AGAP1: variants seen among roughly 807,000 people sequenced by gnomAD.
AGAP1 encodes ArfGAP with GTPase domain, ankyrin repeat and PH domain 1, also known as arf-GAP with GTPase, ANK repeat and PH domain-containing protein 1.
Under a neutral mutation model 105.3 loss-of-function variants are expected in AGAP1, and 29 were observed. The ratio of observed to expected loss-of-function variants is 0.28; its 90% CI spans 0.21 to 0.38. The LOEUF (loss-of-function observed/expected upper bound fraction) is 0.38, where lower values mean the gene tolerates loss of function less well. Among genes scored for constraint, AGAP1 ranks in the 10% least tolerant of loss-of-function variants. The probability of loss-of-function intolerance (pLI) is 1.00; values close to 1 mark genes in which losing one functional copy is unlikely to be tolerated. For synonymous variants in AGAP1, 509 were observed against 485.9 expected, an observed-to-expected ratio of 1.05 and a Z score of -0.63; for missense variants, 998 against 1,165.1, an observed-to-expected ratio of 0.86 and a Z score of 2.09.
At chr2:235,627,176 C>T (rs1052320555) in intron 1 of AGAP1, among the ~76,000 whole-genome samples, 8 of 150,310 alleles carry the variant, frequency 5.3e-5, no homozygotes, top group African/African-American at 2.0e-4. Flanking sequence ...CTGTGCTGGC[C>T]CCAGGCTGTT....
intron 1 of AGAP1, among the ~76,000 whole-genome samples, chr2:235,617,897 T>A (rs879456833): frequency 2.0e-5 from 3 of 152,138 alleles, no homozygotes; most frequent in Non-Finnish European, 4.4e-5. Flanking sequence ...CACTTTTGAA[T>A]TTAAATACAT....
At chr2:235,847,948 G>A (rs960533822) in intron 9 of AGAP1, among the ~76,000 whole-genome samples, 1 of 152,208 alleles carries the variant, frequency 6.6e-6, no homozygotes, top group Non-Finnish European at 1.5e-5. Context: ...TCACAGTCTG[G>A]TTAATACAAT....
intron 1 of AGAP1, among the ~76,000 whole-genome samples, chr2:235,681,176 T>C (rs1264461360): frequency 6.6e-6 from 1 of 152,056 alleles, no homozygotes. Flanking sequence ...GCCCAGCTAA[T>C]TTTTTTGTAT....
In AGAP1 at chr2:235,889,296, C is replaced by T. The variant is rs893902333; in HGVS notation, c.1155+5847C>T. On this transcript the variant is annotated intron_variant, in intron 10 of 17. Transcript: ENST00000304032. The surrounding 1 kb of genome is among the most constrained non-coding windows in gnomAD (Gnocchi z 4.6). The stretch of plus-strand genomic sequence containing the variant: ...CAGTCATGAAACTGGGGAAACCTGA[C>T]ATTGCAGGACACCGTGGGGCTGGTG... 2.6e-5 allele frequency among the ~76,000 whole-genome samples: 4 copies of T among 152,148 alleles called. No homozygotes were observed. Among genetic ancestry groups the T allele is most frequent in the African/African-American group, 9.7e-5 (4 of 41,430 alleles).
chr2:235,648,374 AG>A (rs1238827778), intron 1 of AGAP1, among the ~76,000 whole-genome samples: 9 of 152,098 alleles, frequency 5.9e-5, no homozygotes, highest in Admixed American at 5.9e-4. Context: ...TCCCTTCATC[AG>A]TGGAGAAATG....
At chr2:235,917,343 C>G (rs2051941665) in intron 11 of AGAP1, among the ~76,000 whole-genome samples, 1 of 152,134 alleles carries the variant, frequency 6.6e-6, no homozygotes, top group African/African-American at 2.4e-5. Context: ...CTTCAGCAAT[C>G]AGGACATCCA....
At position 235,728,709 on chromosome 2, in the gene AGAP1, A is replaced by G. The variant is rs2149597684; in HGVS notation, c.310+11065A>G. On this transcript the variant is annotated intron_variant, in intron 3 of 17. Transcript: ENST00000304032. The surrounding 1 kb of genome is among the most constrained non-coding windows in gnomAD (Gnocchi z 4.3). ...TATTTTTTTAAAAATTAACACCACC[A>G]TAAGCAAGAAGGAAAAAATCAACAC... 2.0e-5 allele frequency among the ~76,000 whole-genome samples: 3 copies of G among 152,296 alleles called. No individual in the cohort carries two copies. In the Middle Eastern group the frequency reaches 0.01, roughly 518 times the overall value.
In AGAP1 at chr2:235,879,504, A is replaced by G. The variant is rs1009923883; in HGVS notation, c.1051-3841A>G. 2.0e-5 allele frequency among the ~76,000 whole-genome samples: 3 copies of G among 152,240 alleles called. No individual in the cohort carries two copies. The highest frequency in any genetic ancestry group is 4.4e-5 in the Non-Finnish European group (3 of 68,044). On this transcript the variant is annotated intron_variant, in intron 9 of 17. Coordinates refer to ENST00000304032, the MANE Select transcript of AGAP1 (RefSeq NM_001037131.3). This position sits in a 1 kb window ranked among gnomAD's most constrained non-coding sequence, Gnocchi z 5.0. ...ATAATCCAAGATTATCCCCCCTGGC[A>G]AGACGTAGAGTTTAAGTTAAGTTTA... is the stretch of plus-strand genomic sequence containing the variant.
chr2:235,795,370 CA>C (rs1371119776), intron 6 of AGAP1, among the ~76,000 whole-genome samples: 6 of 152,214 alleles, frequency 3.9e-5, no homozygotes, highest in Admixed American at 3.3e-4. Flanking sequence ...TGGCTATTTG[CA>C]GCATTGACTC....
intron 1 of AGAP1, among the ~76,000 whole-genome samples, chr2:235,581,869 C>G (rs1392326817): frequency 6.6e-6 from 1 of 152,152 alleles, no homozygotes; most frequent in Non-Finnish European, 1.5e-5. Flanking sequence ...CGGGGACATT[C>G]TCAAACATCA....
rs943769650 is a variant in AGAP1 at position 236,105,323 on chromosome 2, C to T, written c.2115-14869C>T. Among the ~76,000 whole-genome samples, 20 of 151,982 alleles carry T rather than the reference C, an allele frequency of 1.3e-4. No homozygotes were observed. The highest frequency in any genetic ancestry group is 4.3e-4 in the African/African-American group (18 of 41,392). ...TAGCCAGGTAAGGGGGAAAGATGGG[C>T]GGAGCGGGGGACCAAGGACAGAGAG... is the stretch of plus-strand genomic sequence containing the variant. On this transcript the variant is annotated intron_variant, in intron 16 of 17. Transcript: ENST00000304032. The surrounding 1 kb of genome is among the most constrained non-coding windows in gnomAD (Gnocchi z 4.2).
chr2:235,706,391 A>AT (rs199550646), intron 1 of AGAP1, among the ~76,000 whole-genome samples: 11,594 of 151,012 alleles, frequency 0.077, 1,422 homozygotes, highest in African/African-American at 0.26. Context: ...CGCCCGGCTA[A>AT]TTTTTTTTTG....
intron 1 of AGAP1, among the ~76,000 whole-genome samples, chr2:235,598,712 C>T (rs536443216): frequency 2.0e-5 from 3 of 152,192 alleles, no homozygotes; most frequent in African/African-American, 7.2e-5. Context: ...GTAACGGAGT[C>T]GTCCCTCCGG....
chr2:236,003,066 A>G lies in AGAP1; in HGVS notation c.1646-33495A>G, dbSNP rs1469580246. On this transcript the variant is annotated intron_variant, in intron 13 of 17. Coordinates refer to ENST00000304032, the MANE Select transcript of AGAP1 (RefSeq NM_001037131.3). This position sits in a 1 kb window ranked among gnomAD's most constrained non-coding sequence, Gnocchi z 4.2. ...ACGTATTCGCCCACTGTGTGCCAAC[A>G]GAGTCTTGATCTATTGCCCAGGCTG... Among the ~76,000 whole-genome samples, 1 of 152,142 alleles carries G rather than the reference A, an allele frequency of 6.6e-6. No individual in the cohort carries two copies. Among genetic ancestry groups the G allele is most frequent in the Non-Finnish European group, 1.5e-5 (1 of 68,038 alleles).
At chr2:236,115,054 C>A (rs541644100) in intron 16 of AGAP1, among the ~76,000 whole-genome samples, 1 of 152,312 alleles carries the variant, frequency 6.6e-6, no homozygotes, top group African/African-American at 2.4e-5. Flanking sequence ...TGAGGAGTTG[C>A]GTGAAGCTCG....
At chr2:235,948,377 G>A (rs976446625) in intron 12 of AGAP1, among the ~76,000 whole-genome samples, 1 of 152,086 alleles carries the variant, frequency 6.6e-6, no homozygotes, top group African/African-American at 2.4e-5. Context: ...AGAAATGGGG[G>A]TTTCACCATC....
intron 1 of AGAP1, among the ~76,000 whole-genome samples, chr2:235,706,103 C>G (rs554809912): frequency 6.6e-6 from 1 of 152,320 alleles, no homozygotes; most frequent in East Asian, 1.9e-4. Context: ...TCTCATCACC[C>G]TTGACTTCAG....
At position 235,979,502 on chromosome 2, in the gene AGAP1, T is replaced by C. The variant is rs1400247749; in HGVS notation, c.1645+10879T>C. On this transcript the variant is annotated intron_variant, in intron 13 of 17. Coordinates refer to ENST00000304032, the MANE Select transcript of AGAP1 (RefSeq NM_001037131.3). The surrounding 1 kb of genome is among the most constrained non-coding windows in gnomAD (Gnocchi z 4.5). ...AGATAAACTTTGTGTGTTTATTTAG[T>C]AATCTTTGCTAATACCCTCCTGGCT... Among the ~76,000 whole-genome samples, 5 of 152,232 alleles carry C rather than the reference T, an allele frequency of 3.3e-5. No individual in the cohort carries two copies.
intron 16 of AGAP1, among the ~76,000 whole-genome samples, chr2:236,086,628 A>G (rs1393749032): frequency 6.6e-6 from 1 of 152,184 alleles, no homozygotes; most frequent in African/African-American, 2.4e-5. Context: ...AGTGTTGTGG[A>G]TACATTCCAA....
Sources: allele counts gnomAD v4.1 joint callset (sites outside exome capture counted in the v4.1 genomes callset), GRCh38; gene constraint gnomAD v4.1.1; non-coding constraint Gnocchi (gnomAD v3.1); transcripts MANE v1.5; gene names NCBI Gene and HGNC (gene_info 2026-07-23, HGNC 2026-07-21).